Variants in CRACR2A observed in about 807,000 individuals in gnomAD.
The protein encoded by CRACR2A is EF-hand calcium-binding domain-containing protein 4B.
In CRACR2A, 79 loss-of-function variants were observed where a neutral mutation model predicts 90.5. The ratio of observed to expected loss-of-function variants is 0.87; its 90% confidence interval spans 0.73 to 1.05. The LOEUF is 1.05. Among genes scored for constraint, CRACR2A ranks in the 50% least tolerant of loss-of-function variants. The probability of loss-of-function intolerance (pLI) is 0.00; values close to 1 mark genes in which losing one functional copy is unlikely to be tolerated. For synonymous variants in CRACR2A, 338 were observed against 356.7 expected, an observed-to-expected ratio of 0.95 and a Z score of 0.59; for missense variants, 823 against 897.2, an observed-to-expected ratio of 0.92 and a Z score of 1.06.
At chr12:3,731,568 G>A (rs241965) in intron 2 of CRACR2A, 44,552 of 152,050 alleles carry the variant, frequency 0.29, 6,793 homozygotes, top group East Asian at 0.39. Context: ...TATTCACCCC[G>A]GCCCTTTGTA....
intron 4 of CRACR2A, among the ~76,000 whole-genome samples, chr12:3,680,932 CAGAG>C (rs58346544): frequency 1.3e-5 from 2 of 150,966 alleles, no homozygotes; most frequent in South Asian, 2.1e-4. Context: ...AGTAGGGAGG[CAGAG>C]AGAGAGAGAG....
chr12:3,750,733 C>T (rs1946690870), intron 1 of CRACR2A, among the ~76,000 whole-genome samples: 1 of 152,142 alleles, frequency 6.6e-6, no homozygotes, highest in Admixed American at 6.5e-5. Context: ...CCCTCACTAG[C>T]TCTCCCCTAG....
intron 13 of CRACR2A, among the ~76,000 whole-genome samples, chr12:3,638,988 A>G (rs570719649): frequency 1.6e-4 from 24 of 152,258 alleles, no homozygotes; most frequent in African/African-American, 5.3e-4. Flanking sequence ...ACCTTGCTGT[A>G]AAACGTGGCC....
intron 4 of CRACR2A, among the ~76,000 whole-genome samples, chr12:3,687,479 A>G (rs151284512): frequency 1.3e-5 from 2 of 152,238 alleles, no homozygotes; most frequent in Non-Finnish European, 2.9e-5. Context: ...TTAGTTTGCT[A>G]TGGATAATGG....
chr12:3,742,320 T>C (rs2137901580), intron 1 of CRACR2A, among the ~76,000 whole-genome samples: 1 of 152,262 alleles, frequency 6.6e-6, no homozygotes, highest in African/African-American at 2.4e-5. Flanking sequence ...CCCATCTTCT[T>C]CCACTCTATA....
intron 19 of CRACR2A, among the ~76,000 whole-genome samples, chr12:3,616,196 G>C: frequency 6.6e-6 from 1 of 152,166 alleles, no homozygotes; most frequent in East Asian, 1.9e-4. Context: ...CTATAACCTC[G>C]CCAATGCATA....
chr12:3,642,046 G>T (rs10744621), intron 12 of CRACR2A, among the ~76,000 whole-genome samples: 116,121 of 152,000 alleles, frequency 0.76, 44,934 homozygotes, highest in East Asian at 0.93. Flanking sequence ...TTTCCAGTCA[G>T]CTAATCAAAT....
chr12:3,625,594 A>T (rs1944241186), intron 17 of CRACR2A, among the ~76,000 whole-genome samples: 1 of 147,392 alleles, frequency 6.8e-6, no homozygotes, highest in African/African-American at 2.5e-5. Flanking sequence ...CCCTTTCTTC[A>T]CTTTTGAATG....
rs150440598 is a variant in CRACR2A, at chr12:3,740,451, C to T, written c.-386-7241G>A. On this transcript the variant is annotated intron_variant, in intron 1 of 19. Coordinates refer to ENST00000440314, the MANE Select transcript of CRACR2A (RefSeq NM_001144958.2). ...TACGTCCTGGGGTGGCGTCCTTACT[C>T]GGCATTTGCAACTTACATGTCCTTG... is the stretch of plus-strand genomic sequence containing the variant. Among the ~76,000 whole-genome samples, 27 of 152,232 alleles carry T rather than the reference C, an allele frequency of 1.8e-4. 1 individual carries two copies. Among genetic ancestry groups the T allele is most frequent in the East Asian group, 7.7e-4 (4 of 5,172 alleles).
intron 18 of CRACR2A, 70 bp from the exon 19 acceptor site, chr12:3,617,100 G>A (rs891309954): frequency 8.7e-7 from 1 of 1,146,892 alleles, no homozygotes; most frequent in Non-Finnish European, 1.3e-6. Context: ...TGGTGGGAGA[G>A]CCCCCTTGTG....
chr12:3,707,574 G>A, intron 3 of CRACR2A, among the ~76,000 whole-genome samples: 1 of 152,194 alleles, frequency 6.6e-6, no homozygotes, highest in Middle Eastern at 3.2e-3. Context: ...GCCAAACATA[G>A]CCACAGCATG....
chr12:3,653,011 CT>C, intron 10 of CRACR2A, among the ~76,000 whole-genome samples: 1 of 152,146 alleles, frequency 6.6e-6, no homozygotes, highest in East Asian at 1.9e-4. Context: ...GACGGGGAGT[CT>C]CACTCTGTCA....
intron 13 of CRACR2A, chr12:3,640,791 C>A (rs1230680434): frequency 1.5e-6 from 2 of 1,305,286 alleles, no homozygotes; most frequent in Non-Finnish European, 2.0e-6. Context: ...TATGTGGACA[C>A]AGCACATGCC....
At chr12:3,733,880 C>T (rs1197380739) in intron 1 of CRACR2A, among the ~76,000 whole-genome samples, 1 of 110,378 alleles carries the variant, frequency 9.1e-6, no homozygotes, top group African/African-American at 3.5e-5. Flanking sequence ...AGGACACACA[C>T]ACACACACAC....
intron 2 of CRACR2A, chr12:3,727,477 T>A (rs1289386835): frequency 6.6e-6 from 1 of 152,244 alleles, no homozygotes; most frequent in African/African-American, 2.4e-5. Context: ...GATTTCCTGT[T>A]ACAGACCTGC....
At chr12:3,743,522 G>A (rs935852471) in intron 1 of CRACR2A, among the ~76,000 whole-genome samples, 1 of 152,176 alleles carries the variant, frequency 6.6e-6, no homozygotes, top group Non-Finnish European at 1.5e-5. Context: ...GTCAGGCACA[G>A]GGGGATCAAC....
At chr12:3,643,543 C>T (rs1944611916) in intron 12 of CRACR2A, among the ~76,000 whole-genome samples, 1 of 151,436 alleles carries the variant, frequency 6.6e-6, no homozygotes, top group African/African-American at 2.4e-5. Context: ...ATCAATTTGG[C>T]CTTCATTTTT....
At chr12:3,721,234 G>A (rs527599308) in intron 2 of CRACR2A, among the ~76,000 whole-genome samples, 15 of 151,988 alleles carry the variant, frequency 9.9e-5, no homozygotes, top group African/African-American at 2.9e-4. Flanking sequence ...TGTTAGGAAC[G>A]GGGTAAAAAG....
chr12:3,726,760 G>A (rs1468783858), intron 2 of CRACR2A: 1 of 151,574 alleles, frequency 6.6e-6, no homozygotes, highest in African/African-American at 2.4e-5. Flanking sequence ...GTGACAAAGT[G>A]TCACAGAAAA....
Sources: gnomAD v4.1 joint callset for allele counts (sites outside exome capture counted in the v4.1 genomes callset) on GRCh38, gnomAD v4.1.1 for gene constraint, MANE v1.5 for transcripts, NCBI Gene and HGNC (gene_info 2026-07-23, HGNC 2026-07-21) for gene names.